The following FOCAD variants were observed in gnomAD, a reference collection of about 807,000 sequenced individuals.
The protein encoded by FOCAD is focadhesin, also known as KIAA1797.
Under a neutral mutation model 225.6 loss-of-function variants are expected in FOCAD, and 198 were observed. The observed-to-expected ratio is 0.88, with a 90% CI of 0.78 to 0.99. The LOEUF is 0.99. FOCAD is among the 50% of genes least tolerant of loss of function. The pLI is 0.00. For missense variants in FOCAD, 2,713 were observed against 2,123.6 expected, an observed-to-expected ratio of 1.28 and a Z score of -5.46; for synonymous variants, 897 against 755.0, an observed-to-expected ratio of 1.19 and a Z score of -3.08.
At chr9:20,786,930 G>A (rs10964699) in intron 10 of FOCAD, 4 of 429,858 alleles carry the variant, frequency 9.3e-6, no homozygotes, top group Non-Finnish European at 1.4e-5. Context: ...AAGCTTACTA[G>A]CATTTTCACA....
intron 2 of FOCAD, among the ~76,000 whole-genome samples, chr9:20,665,028 T>C (rs1821855837): frequency 6.6e-6 from 1 of 152,118 alleles, no homozygotes; most frequent in African/African-American, 2.4e-5. Context: ...GTAACATTAG[T>C]TGACTTAATT....
At chr9:20,709,184 A>G (rs373204114) in intron 1 of FOCAD, among the ~76,000 whole-genome samples, 1 of 152,162 alleles carries the variant, frequency 6.6e-6, no homozygotes. Flanking sequence ...TAATGTGATA[A>G]TTGCTTATAT....
intron 1 of FOCAD, among the ~76,000 whole-genome samples, chr9:20,706,719 A>G (rs768196483): frequency 6.6e-6 from 1 of 152,212 alleles, no homozygotes. Context: ...GGTCCATTAT[A>G]TTAGTTAAGG....
At position 20,916,902 on chromosome 9, in the gene FOCAD, C is replaced by A; in HGVS notation, c.2817C>A (p.Asp939Glu). 6.2e-7 allele frequency: 1 copy of A among 1,606,400 alleles called. No individual in the cohort carries two copies. ...KKSTAWLWVR[D>E]MLTDEITKAA... ...TCCATCTTTATTGCAGGGTTAGAGA[C>A]ATGCTGACTGATGAGATCACCAAGG... Residue 939 changes from aspartate (D) to glutamate (E), a missense_variant, in exon 24 of 44, where the codon GAC (aspartate) becomes GAA (glutamate). By Grantham distance (45) the Asp-to-Glu change is conservative. Transcript: ENST00000338382.
At chr9:20,782,981 C>G (rs1819530997) in intron 10 of FOCAD, among the ~76,000 whole-genome samples, 1 of 152,128 alleles carries the variant, frequency 6.6e-6, no homozygotes, top group South Asian at 2.1e-4. Flanking sequence ...TGCATCAGCC[C>G]TAATAGGAGT....
chr9:20,812,778 G>A (rs1443486910), intron 11 of FOCAD, among the ~76,000 whole-genome samples: 1 of 152,046 alleles, frequency 6.6e-6, no homozygotes, highest in Non-Finnish European at 1.5e-5. Flanking sequence ...TTGGGCCTCA[G>A]TTTAATCTTC....
chr9:20,924,083 C>A (rs1009360461), intron 25 of FOCAD, among the ~76,000 whole-genome samples: 13 of 152,102 alleles, frequency 8.5e-5, no homozygotes, highest in African/African-American at 3.1e-4. Flanking sequence ...GTGAACAATG[C>A]CGTCAAAATG....
In FOCAD at chr9:20,733,104, C is replaced by T. The variant is rs570880793; in HGVS notation, c.288-7132C>T. Among the ~76,000 whole-genome samples, 3 of 152,084 alleles carry T rather than the reference C, an allele frequency of 2.0e-5. No homozygotes were observed. The South Asian group carries it at 6.2e-4, about 32-fold the overall frequency. ...TTTTTGCCCTGATTAAAGTCTTTAC[C>T]TTGATTTGTTAATTAACTCTTCCGG... On this transcript the variant is annotated intron_variant, in intron 4 of 43. Transcript: ENST00000338382.
chr9:20,866,852 G>C, intron 17 of FOCAD, 77 bp from the exon 18 acceptor site: 1 of 662,136 alleles, frequency 1.5e-6, no homozygotes, highest in South Asian at 2.2e-5. Flanking sequence ...CTCCAGATTT[G>C]ATGTTTAATG....
chr9:20,771,549 A>G (rs566301697), intron 8 of FOCAD, among the ~76,000 whole-genome samples: 1 of 152,306 alleles, frequency 6.6e-6, no homozygotes, highest in South Asian at 2.1e-4. Flanking sequence ...ATGTGAGGCC[A>G]GGAGTTCGAG....
In FOCAD at chr9:20,862,592, C is replaced by T. The variant is rs1828871849; in HGVS notation, c.1935C>T (p.Arg645=). The T allele has an allele frequency of 6.2e-7, 1 of 1,613,246 alleles. No homozygotes were observed. Among genetic ancestry groups the T allele is most frequent in the Non-Finnish European group, 8.5e-7 (1 of 1,179,530 alleles). Residue 645 remains arginine (R), a synonymous_variant, in exon 16 of 44, where the codon CGC becomes CGT. Coordinates refer to ENST00000338382, the MANE Select transcript of FOCAD (RefSeq NM_001375567.1). ...ALCQAEVVCI[R]STWNALSPKL... is the part of the protein sequence containing the mutation. ...TTGCTTCACAGGTTGTTTGCATTCGCTCCACTTGGAATGCTCTCTCTCCAA... is the reference window on the plus strand; with the variant it reads ...TTGCTTCACAGGTTGTTTGCATTCGTTCCACTTGGAATGCTCTCTCTCCAA...
intron 9 of FOCAD, among the ~76,000 whole-genome samples, chr9:20,780,376 A>T (rs151332022): frequency 2.6e-5 from 4 of 152,224 alleles, no homozygotes; most frequent in African/African-American, 9.6e-5. Context: ...ATTGTGGTTC[A>T]TGTGTAAGAG....
At chr9:20,655,761 T>G (rs1234063804), upstream of FOCAD, among the ~76,000 whole-genome samples, 1 of 152,220 alleles carries the variant, frequency 6.6e-6, no homozygotes, top group Admixed American at 6.5e-5. Context: ...AAGGGTTTTT[T>G]GTGTCTCTAT....
intron 29 of FOCAD, 86 bp from the exon 30 acceptor site, chr9:20,946,615 A>T (rs1837207707): frequency 1.4e-6 from 2 of 1,414,446 alleles, no homozygotes; most frequent in Non-Finnish European, 1.9e-6. Flanking sequence ...TCTGGGGGGG[A>T]GTTTGACAGA....
At chr9:20,993,754 C>G (rs935870698) in intron 43 of FOCAD, among the ~76,000 whole-genome samples, 6 of 152,104 alleles carry the variant, frequency 3.9e-5, no homozygotes, top group African/African-American at 1.4e-4. Flanking sequence ...ATATTGGTTT[C>G]TGAAAGAGAT....
chr9:20,848,378 C>T (rs1300170653), intron 15 of FOCAD, among the ~76,000 whole-genome samples: 1 of 152,018 alleles, frequency 6.6e-6, no homozygotes, highest in East Asian at 1.9e-4. Context: ...TCATGGCCTA[C>T]AGTCAATAAC....
At chr9:20,948,610 A>G (rs1348364249) in intron 31 of FOCAD, among the ~76,000 whole-genome samples, 2 of 152,152 alleles carry the variant, frequency 1.3e-5, no homozygotes, top group Non-Finnish European at 2.9e-5. Context: ...CTGAGTTTTA[A>G]TTTTAAGACA....
At chr9:20,676,640 C>A (rs1229172860) in intron 2 of FOCAD, among the ~76,000 whole-genome samples, 2 of 152,166 alleles carry the variant, frequency 1.3e-5, no homozygotes, top group Non-Finnish European at 2.9e-5. Flanking sequence ...CAAACATTTG[C>A]AGGAGATATA....
intron 15 of FOCAD, among the ~76,000 whole-genome samples, chr9:20,846,675 A>T (rs1405341696): frequency 2.6e-5 from 4 of 152,106 alleles, no homozygotes; most frequent in Admixed American, 2.0e-4. Context: ...TTAATGTAGA[A>T]AGTAGAGTGA....
Sources: gnomAD v4.1 joint callset for allele counts (sites outside exome capture counted in the v4.1 genomes callset) on GRCh38, gnomAD v4.1.1 for gene constraint, MANE v1.5 for transcripts, NCBI Gene and HGNC (gene_info 2026-07-23, HGNC 2026-07-21) for gene names.